The following SZT2 variants were observed in gnomAD, a reference collection of about 807,000 sequenced individuals.
SZT2 encodes SZT2 subunit of KICSTOR complex.
A neutral mutation model predicts 404.2 loss-of-function variants in SZT2; 216 were observed. The ratio of observed to expected loss-of-function variants is 0.53; its 90% CI spans 0.48 to 0.60. The LOEUF is 0.60. SZT2 is among the 20% of genes least tolerant of loss of function. The pLI is 0.00. For missense variants in SZT2, 3,857 were observed against 4,459.2 expected, an observed-to-expected ratio of 0.86 and a Z score of 3.85; for synonymous variants, 1,693 against 1,749.9, an observed-to-expected ratio of 0.97 and a Z score of 0.81.
In SZT2 at chr1:43,425,125, G is replaced by C. The variant is rs774394647; in HGVS notation, c.2563G>C (p.Gly855Arg). 2 of 1,614,156 alleles carry C rather than the reference G, an allele frequency of 1.2e-6. No individual in the cohort carries two copies. The highest frequency in any genetic ancestry group is 3.3e-5 in the Admixed American group (2 of 60,024). The change falls in exon 18 of 72, where the codon GGG becomes CGG. Residue 855 changes from glycine (G) to arginine (R), a missense_variant. Around this residue, in one of 7 missense-constraint regions of SZT2, gnomAD observed 1,725 missense variants for 1,881.0 expected, o/e 0.92. Coordinates refer to ENST00000634258, the MANE Select transcript of SZT2 (RefSeq NM_001365999.1). This position sits in a 1 kb window ranked among gnomAD's most constrained non-coding sequence, Gnocchi z 4.3. ...LELPIQNEPPGQAAAEEKHTC... is the reference protein window; with the variant it reads ...LELPIQNEPPRQAAAEEKHTC... The stretch of plus-strand genomic sequence containing the variant: ...ATTTTGCCCACAGAATGAACCACCA[G>C]GGCAGGCTGCAGCTGAAGAGAAGCA...
At chr1:43,433,394 T>G (rs1363818217) in intron 40 of SZT2, among the ~76,000 whole-genome samples, 1 of 152,222 alleles carries the variant, frequency 6.6e-6, no homozygotes, top group Non-Finnish European at 1.5e-5. Flanking sequence ...GTCTTATAGA[T>G]GAGAGTCGAA....
At chr1:43,414,293 CAAA>C (rs1651432629) in intron 4 of SZT2, among the ~76,000 whole-genome samples, 1 of 151,858 alleles carries the variant, frequency 6.6e-6, no homozygotes, top group Non-Finnish European at 1.5e-5. Flanking sequence ...AACAAACAAA[CAAA>C]CAAAAAAAAC....
At position 43,423,314 on chromosome 1, in the gene SZT2, C is replaced by T. The variant is rs372607259; in HGVS notation, c.2253C>T (p.Ile751=). The change falls in exon 15 of 72, where the codon ATC becomes ATT. Residue 751 remains isoleucine, a splice_region_variant and synonymous_variant. Coordinates refer to ENST00000634258, the MANE Select transcript of SZT2 (RefSeq NM_001365999.1). ...VLHKPLDKLL[I]RYEKLPLDYR... ...ATAAGCCACTGGACAAACTGCTCAT[C>T]AGGTTGGTACAGAGGTGTGGAAGGG... 4.5e-5 allele frequency: 69 copies of T among 1,536,180 alleles called. No homozygotes were observed. Among genetic ancestry groups the T allele is most frequent in the Middle Eastern group, 3.6e-4 (2 of 5,620 alleles).
Position 43,428,134 on chromosome 1 carries a change from G to C in SZT2, c.3919+16G>C. ...TATGTCCGTGGTGAGCAGGAGGGCCGTGGGAGGGAGGAGTGGGGCCCTGCG... is the reference window on the plus strand; with the variant it reads ...TATGTCCGTGGTGAGCAGGAGGGCCCTGGGAGGGAGGAGTGGGGCCCTGCG... On this transcript the variant is annotated intron_variant, in intron 27 of 71. Coordinates refer to ENST00000634258, the MANE Select transcript of SZT2 (RefSeq NM_001365999.1). 1 of 1,612,532 alleles carries C rather than the reference G, an allele frequency of 6.2e-7. No individual in the cohort carries two copies. The highest frequency in any genetic ancestry group is 8.5e-7 in the Non-Finnish European group (1 of 1,178,652).
chr1:43,450,314 C>A lies in SZT2; in HGVS notation c.10156-23C>A. ...CACCCATGCCCTCCTCTCACCAGTG[C>A]ATCCCCACCGTGTTCCCCACAGTCT... is the stretch of plus-strand genomic sequence containing the variant. On this transcript the variant is annotated intron_variant, in intron 71 of 71. Transcript: ENST00000634258. The surrounding 1 kb of genome is among the most constrained non-coding windows in gnomAD (Gnocchi z 4.3). The A allele has an allele frequency of 6.2e-7, 1 of 1,613,886 alleles. No individual in the cohort carries two copies. The highest frequency in any genetic ancestry group is 8.5e-7 in the Non-Finnish European group (1 of 1,179,836).
In SZT2 at chr1:43,451,263, C is replaced by T. The variant is rs746820056; in HGVS notation, c.*783C>T. ...TCACTGGCCAGCCTCTGGGTGGCCC[C>T]GCCTATCCCAGTATGAACGTAGCCA... On this transcript the variant is annotated 3_prime_UTR_variant, in exon 72 of 72. Coordinates refer to ENST00000634258, the MANE Select transcript of SZT2 (RefSeq NM_001365999.1). 22 of 1,613,974 alleles carry T rather than the reference C, an allele frequency of 1.4e-5. No homozygotes were observed. The highest frequency in any genetic ancestry group is 5.5e-5 in the South Asian group (5 of 91,096).
chr1:43,435,657 C>T (rs925895244), intron 42 of SZT2: 11 of 211,366 alleles, frequency 5.2e-5, no homozygotes, highest in South Asian at 4.2e-4. Context: ...AAAATAGATA[C>T]GGCAGTAACT....
At position 43,445,678 on chromosome 1, in the gene SZT2, T is replaced by C. The variant is rs1234107525; in HGVS notation, c.8826-216T>C. On this transcript the variant is annotated intron_variant, in intron 62 of 71. Coordinates refer to ENST00000634258, the MANE Select transcript of SZT2 (RefSeq NM_001365999.1). ...CTCCACCTCCCCACTGAGCACTGTT[T>C]TTGCCTCCCTTGAAGCAGCAGCTGC... The C allele has an allele frequency of 1.1e-5, 7 of 613,470 alleles. No homozygotes were observed. In the East Asian group the frequency reaches 2.0e-4, roughly 17 times the overall value. 38.0% of individuals were successfully genotyped at this position (613,470 alleles called of 1,614,324 possible). A position where few individuals can be genotyped will look rare whatever the true frequency, so the allele number is the denominator to read the frequency against.
Position 43,426,505 on chromosome 1 carries a change from A to T in SZT2, c.3181A>T (p.Ser1061Cys). The T allele has an allele frequency of 6.3e-7, 1 of 1,594,628 alleles. No individual in the cohort carries two copies. The highest frequency in any genetic ancestry group is 1.1e-5 in the South Asian group (1 of 90,120). ...CCCCGTTGACCAGGCTGCCTTCTTG[A>T]GTGAGGTGCTGCGGCGGACCTGCCA... ...LTPVDQAAFL[S>C]EVLRRTCHVP... Residue 1061 changes from serine (S) to cysteine (C), a missense_variant, in exon 22 of 72, where the codon AGT becomes TGT. Transcript: ENST00000634258. The surrounding 1 kb of genome is among the most constrained non-coding windows in gnomAD (Gnocchi z 4.9).
Position 43,431,587 on chromosome 1 carries a change from C to T in SZT2, c.5088+64C>T. 1.9e-6 allele frequency: 3 copies of T among 1,606,490 alleles called. No individual in the cohort carries two copies. The South Asian group carries it at 3.3e-5, about 18-fold the overall frequency. ...TCCATCGTATGAGTGAGATAAGGTA[C>T]CCCCTTTGTTCTGGGATAGAAGTGA... On this transcript the variant is annotated intron_variant, in intron 35 of 71. Coordinates refer to ENST00000634258, the MANE Select transcript of SZT2 (RefSeq NM_001365999.1).
At position 43,443,058 on chromosome 1, in the gene SZT2, C is replaced by T. The variant is rs758148298; in HGVS notation, c.8391C>T (p.Phe2797=). The change falls in exon 59 of 72, where the codon TTC becomes TTT. Residue 2797 remains phenylalanine, a synonymous_variant. Transcript: ENST00000634258. ...PDPVTYHGQQ[F]LEIKMAERRE... ...CTGTCACCTACCATGGACAACAGTT[C>T]CTAGAGATCAAGATGGCAGAGCGCA... is the stretch of plus-strand genomic sequence containing the variant. 3.1e-6 allele frequency: 5 copies of T among 1,612,806 alleles called. 1 individual carries two copies. The South Asian group carries it at 5.5e-5, about 18-fold the overall frequency.
In SZT2 at chr1:43,453,649, C is replaced by A. The variant is rs1311944640; in HGVS notation, c.*3169C>A. On this transcript the variant is annotated 3_prime_UTR_variant, in exon 72 of 72. Transcript: ENST00000634258. ...AGCCCCGCTTCTCGCGCGGCGCGCG[C>A]CAGCGCCTCAGGCGTCTCCGCGTAC... 1 of 1,491,234 alleles carries A rather than the reference C, an allele frequency of 6.7e-7. No individual in the cohort carries two copies. The highest frequency in any genetic ancestry group is 8.9e-7 in the Non-Finnish European group (1 of 1,127,864). The allele number at this position is 1,491,234 out of a possible 1,614,324, so 92.4% of individuals were successfully genotyped here. A position where few individuals can be genotyped will look rare whatever the true frequency, so the allele number is the denominator to read the frequency against.
At chr1:43,418,307 GTT>G (rs1553144137) in intron 7 of SZT2, among the ~76,000 whole-genome samples, 1 of 152,184 alleles carries the variant, frequency 6.6e-6, no homozygotes, top group Non-Finnish European at 1.5e-5. Flanking sequence ...GTGAAGAAGA[GTT>G]TGAAAATAAA....
In SZT2 at chr1:43,431,904, A is replaced by G. The variant is rs1557571353; in HGVS notation, c.5274+3A>G. 2 of 1,614,014 alleles carry G rather than the reference A, an allele frequency of 1.2e-6. No individual in the cohort carries two copies. Among genetic ancestry groups the G allele is most frequent in the Non-Finnish European group, 1.7e-6 (2 of 1,180,026 alleles). ...GTTCCCTCACACAATTCAAGGAGGT[A>G]AGTTGCCCTCCAAACACTGCAGGGT... On this transcript the variant is annotated splice_donor_region_variant and intron_variant, in intron 36 of 71. Transcript: ENST00000634258.
At chr1:43,434,132 C>T (rs975869954) in intron 40 of SZT2, among the ~76,000 whole-genome samples, 3 of 152,124 alleles carry the variant, frequency 2.0e-5, no homozygotes, top group Non-Finnish European at 4.4e-5. Context: ...GTGTGGTACC[C>T]GTATGGGAGC....
Position 43,451,852 on chromosome 1 carries a change from AAG to A in SZT2, c.*1376_*1377del. ...CCTTCTGTAAGATGGCTGCCGCTGT[AAG>A]AGAAGCCAGGGAGGGGACCGTGAGC... On this transcript the variant is annotated 3_prime_UTR_variant, in exon 72 of 72. Transcript: ENST00000634258. The A allele has an allele frequency of 6.2e-7, 1 of 1,614,088 alleles. No individual in the cohort carries two copies. The highest frequency in any genetic ancestry group is 8.5e-7 in the Non-Finnish European group (1 of 1,179,988).
chr1:43,422,655 A>ACCTCC, intron 13 of SZT2, 23 bp downstream of exon 13: 1 of 1,095,026 alleles, frequency 9.1e-7, no homozygotes, highest in South Asian at 1.5e-5. Flanking sequence ...ATGTCCCTTC[A>ACCTCC]CCCCCCGCCC....
At position 43,435,620 on chromosome 1, in the gene SZT2, A is replaced by G. The variant is rs910264018; in HGVS notation, c.6034+291A>G. The stretch of plus-strand genomic sequence containing the variant: ...TGGGGCAGAGAATAACTACTCTTAC[A>G]AGTAGCTTGGCAGTGAAGAGACAGA... On this transcript the variant is annotated intron_variant, in intron 42 of 71. Coordinates refer to ENST00000634258, the MANE Select transcript of SZT2 (RefSeq NM_001365999.1). The G allele has an allele frequency of 1.4e-5, 4 of 281,388 alleles. No homozygotes were observed. In the Admixed American group the frequency reaches 2.0e-4, roughly 14 times the overall value. 17.4% of individuals were successfully genotyped at this position (281,388 alleles called of 1,614,324 possible).
At position 43,450,372 on chromosome 1, in the gene SZT2, A is replaced by G. The variant is rs771204191; in HGVS notation, c.10191A>G (p.Val3397=). 5 of 1,613,748 alleles carry G rather than the reference A, an allele frequency of 3.1e-6. No individual in the cohort carries two copies. The highest frequency in any genetic ancestry group is 4.2e-6 in the Non-Finnish European group (5 of 1,179,936). The change falls in exon 72 of 72, where the codon GTA becomes GTG. Residue 3397 remains valine, a synonymous_variant. Transcript: ENST00000634258. The surrounding 1 kb of genome is among the most constrained non-coding windows in gnomAD (Gnocchi z 4.3). ...LTVVFREPFP[V]QPQDSESPPA... The stretch of plus-strand genomic sequence containing the variant: ...TGGTTTTCCGAGAGCCCTTCCCAGT[A>G]CAGCCCCAGGACAGCGAGAGCCCCC...
Sources: allele counts gnomAD v4.1 joint callset (sites outside exome capture counted in the v4.1 genomes callset), GRCh38; gene constraint gnomAD v4.1.1; regional missense constraint gnomAD v4.1.1; non-coding constraint Gnocchi (gnomAD v3.1); transcripts MANE v1.5; gene names NCBI Gene and HGNC (gene_info 2026-07-23, HGNC 2026-07-21).